The following ST7 variants were observed in gnomAD, a reference collection of about 807,000 sequenced individuals.
The protein encoded by ST7 is suppressor of tumorigenicity 7 protein.
ST7 carries 28 observed loss-of-function variants against 78.7 expected under a neutral mutation model. The observed-to-expected ratio is 0.36, with a 90% confidence interval of 0.26 to 0.49. The LOEUF is 0.49. Ranked by LOEUF, ST7 falls within the 20% of genes least tolerant of loss-of-function variation. The pLI is 0.99. For synonymous variants in ST7, 247 were observed against 249.6 expected (o/e 0.99, Z 0.10); for missense variants, 418 against 696.0 (o/e 0.60, Z 4.49).
chr7:117,190,928 G>A lies in ST7; in HGVS notation c.1246G>A (p.Val416Met). The A allele has an allele frequency of 6.2e-7, 1 of 1,613,424 alleles. No homozygotes were observed. The highest frequency in any genetic ancestry group is 8.5e-7 in the Non-Finnish European group (1 of 1,179,360). The change falls in exon 12 of 16, where the codon GTG becomes ATG. Residue 416 changes from valine to methionine, a missense_variant. By Grantham distance (21) the Val-to-Met change is conservative. Coordinates refer to ENST00000323984, the MANE Select transcript of ST7 (RefSeq NM_001369598.1). This position sits in a 1 kb window ranked among gnomAD's most constrained non-coding sequence, Gnocchi z 5.2. Reference protein sequence around the residue: ...IHRAVEFNPHVPKYLLEMKSL... With the variant: ...IHRAVEFNPHMPKYLLEMKSL... ...TAGAGCTGTGGAATTCAATCCTCAT[G>A]TGCCAAAAGTGAGTCTGTGGAATCC...
chr7:117,201,434 C>G (rs1417708296), intron 12 of ST7, among the ~76,000 whole-genome samples: 1 of 152,192 alleles, frequency 6.6e-6, no homozygotes, highest in Admixed American at 6.5e-5. Flanking sequence ...TGAGGTCACT[C>G]TTATTAAGGC....
intron 1 of ST7, among the ~76,000 whole-genome samples, chr7:117,013,561 C>G (rs1180303564): frequency 6.6e-6 from 1 of 152,206 alleles, no homozygotes; most frequent in Non-Finnish European, 1.5e-5. Flanking sequence ...GGCGAGGTGG[C>G]TCACGCCTGT....
chr7:117,024,775 G>T (rs1313821427), intron 1 of ST7, among the ~76,000 whole-genome samples: 1 of 152,102 alleles, frequency 6.6e-6, no homozygotes, highest in Non-Finnish European at 1.5e-5. Context: ...TGGTGTGGCT[G>T]GTCCACACAT....
chr7:117,205,347 A>G (rs1791653072), intron 12 of ST7, among the ~76,000 whole-genome samples: 1 of 152,186 alleles, frequency 6.6e-6, no homozygotes. Flanking sequence ...GCAACTTAAT[A>G]GTCATCATTG....
chr7:116,960,973 C>T (rs959126022), intron 1 of ST7, among the ~76,000 whole-genome samples: 8 of 152,240 alleles, frequency 5.3e-5, no homozygotes, highest in Non-Finnish European at 7.4e-5. Context: ...AGTCTCTAAT[C>T]CATCTTCAGT....
intron 1 of ST7, among the ~76,000 whole-genome samples, chr7:116,983,302 T>C (rs1794042271): frequency 6.6e-6 from 1 of 152,236 alleles, no homozygotes; most frequent in Non-Finnish European, 1.5e-5. Flanking sequence ...CTTCTTTTCA[T>C]ATTTGTTCAT....
At chr7:116,956,951 G>A (rs1585037426) in intron 1 of ST7, 1 of 233,300 alleles carries the variant, frequency 4.3e-6, no homozygotes, top group East Asian at 1.3e-4. Flanking sequence ...GGACTCAGAG[G>A]TGGACCTCCC....
At chr7:117,009,267 T>G (rs1272073203) in intron 1 of ST7, among the ~76,000 whole-genome samples, 8 of 29,932 alleles carry the variant, frequency 2.7e-4, no homozygotes, top group Admixed American at 1.4e-3. Context: ...GTTTTTTTTT[T>G]TTTGTTTTTG....
At chr7:117,201,330 A>C (rs897817555) in intron 12 of ST7, among the ~76,000 whole-genome samples, 1 of 152,120 alleles carries the variant, frequency 6.6e-6, no homozygotes, top group Non-Finnish European at 1.5e-5. Context: ...AGGAATAGGA[A>C]GTTTAAGTCT....
intron 1 of ST7, among the ~76,000 whole-genome samples, chr7:117,079,869 T>C (rs570970613): frequency 1.3e-4 from 20 of 150,422 alleles, no homozygotes; most frequent in Non-Finnish European, 2.1e-4. Context: ...AATACACCAC[T>C]AGTACATAGA....
At chr7:116,970,882 AT>A (rs1009397400) in intron 1 of ST7, among the ~76,000 whole-genome samples, 3 of 151,300 alleles carry the variant, frequency 2.0e-5, no homozygotes, top group African/African-American at 4.9e-5. Flanking sequence ...CTCTCCCACT[AT>A]TTTTTTTTAT....
At chr7:117,168,501 T>G (rs192708574) in intron 9 of ST7, among the ~76,000 whole-genome samples, 107 of 152,172 alleles carry the variant, frequency 7.0e-4, no homozygotes, top group Non-Finnish European at 1.1e-3. Context: ...CTGCTTTAAT[T>G]AGAAAGAGAA....
intron 1 of ST7, chr7:116,956,366 T>G: frequency 4.9e-6 from 2 of 410,650 alleles, no homozygotes; most frequent in Admixed American, 2.9e-5. Context: ...TGGTCTAACT[T>G]GTCCTTGCAG....
intron 13 of ST7, among the ~76,000 whole-genome samples, chr7:117,217,766 TCAGCAAACTGC>T (rs1324980582): frequency 2.0e-5 from 3 of 152,238 alleles, no homozygotes; most frequent in Admixed American, 6.5e-5. Context: ...CATTTTTACC[TCAGCAAACTGC>T]CAGCAAACTG....
intron 3 of ST7, chr7:117,128,243 G>T (rs1222245253): frequency 6.6e-6 from 1 of 151,856 alleles, no homozygotes; most frequent in African/African-American, 2.4e-5. Context: ...GCAGTGGTGA[G>T]GTCCAGGTAG....
intron 1 of ST7, among the ~76,000 whole-genome samples, chr7:116,982,097 A>G (rs1793985257): frequency 6.6e-6 from 1 of 152,218 alleles, no homozygotes; most frequent in African/African-American, 2.4e-5. Flanking sequence ...ATCTTTTGGT[A>G]TATAATCTTG....
intron 3 of ST7, among the ~76,000 whole-genome samples, chr7:117,124,376 G>C (rs1803655129): frequency 6.6e-6 from 1 of 152,022 alleles, no homozygotes; most frequent in Non-Finnish European, 1.5e-5. Context: ...GGTATAGCAA[G>C]GTGAAGTAAT....
At position 117,215,653 on chromosome 7, in the gene ST7, T is replaced by C. The variant is rs570575392; in HGVS notation, c.1406-3431T>C. Among the ~76,000 whole-genome samples, 80 of 152,338 alleles carry C rather than the reference T, an allele frequency of 5.3e-4. 3 individuals carry two copies. In the South Asian group the frequency reaches 0.016, roughly 31 times the overall value. On this transcript the variant is annotated intron_variant, in intron 13 of 15. Coordinates refer to ENST00000323984, the MANE Select transcript of ST7 (RefSeq NM_001369598.1). ...GCCTAGGCAGGTCCTGCTCATCCTT[T>C]AGATGCCACTTTGGCCGCTTCTCCA...
At chr7:117,078,714 T>C (rs1290021438) in intron 1 of ST7, among the ~76,000 whole-genome samples, 1 of 152,224 alleles carries the variant, frequency 6.6e-6, no homozygotes, top group Non-Finnish European at 1.5e-5. Flanking sequence ...GTATGGATGT[T>C]GTTATGGGTT....
Sources: gnomAD v4.1 joint callset for allele counts (sites outside exome capture counted in the v4.1 genomes callset) on GRCh38, gnomAD v4.1.1 for gene constraint, Gnocchi (gnomAD v3.1) non-coding constraint, MANE v1.5 for transcripts, NCBI Gene and HGNC (gene_info 2026-07-23, HGNC 2026-07-21) for gene names.